SEMA4F: variants seen among roughly 807,000 people sequenced by gnomAD.
SEMA4F encodes the protein semaphorin-4F.
SEMA4F carries 51 observed loss-of-function variants against 78.4 expected under a neutral mutation model. That is an observed-to-expected ratio of 0.65 (90% confidence interval 0.52 to 0.82). The LOEUF is 0.82. Among genes scored for constraint, SEMA4F ranks in the 40% least tolerant of loss-of-function variants. SEMA4F has a pLI of 0.00. For missense variants in SEMA4F, 938 were observed against 1,014.4 expected (o/e 0.92, Z 1.02); for synonymous variants, 418 against 408.7 (o/e 1.02, Z -0.27).
In SEMA4F at chr2:74,680,052, C is replaced by A. The variant is rs572401608; in HGVS notation, c.2156C>A (p.Pro719His). The A allele has an allele frequency of 8.7e-6, 14 of 1,614,140 alleles. No homozygotes were observed. In the East Asian group the frequency reaches 2.2e-4, roughly 26 times the overall value. Reference sequence around the variant, plus strand: ...AGCTACAGCCAAGACCCTCCCTCCCCCTCTCCTGAAGATGAGCGGTTGCCG... The same window carrying A: ...AGCTACAGCCAAGACCCTCCCTCCCACTCTCCTGAAGATGAGCGGTTGCCG... ...TTSYSQDPPS[P>H]SPEDERLPLA... The change falls in exon 14 of 14, where the codon CCC becomes CAC. Residue 719 changes from proline to histidine, a missense_variant. Coordinates refer to ENST00000357877, the MANE Select transcript of SEMA4F (RefSeq NM_004263.5).
chr2:74,695,388 G>C, the SEMA4F span, among the ~76,000 whole-genome samples: 1 of 152,182 alleles, frequency 6.6e-6, no homozygotes, highest in Non-Finnish European at 1.5e-5. Flanking sequence ...TCTGCACAGA[G>C]CACTCCCCTG....
the SEMA4F span, among the ~76,000 whole-genome samples, chr2:74,700,518 A>T: frequency 6.6e-6 from 1 of 152,138 alleles, no homozygotes; most frequent in South Asian, 2.1e-4. Flanking sequence ...TAGATTGCTG[A>T]TTAATACTCT....
intron 5 of SEMA4F, among the ~76,000 whole-genome samples, chr2:74,669,419 A>C (rs1298823144): frequency 6.6e-6 from 1 of 151,944 alleles, no homozygotes; most frequent in Non-Finnish European, 1.5e-5. Context: ...CCCTGTCTCT[A>C]ATAAAAATAC....
intron 12 of SEMA4F, among the ~76,000 whole-genome samples, chr2:74,678,940 A>G (rs1181348371): frequency 6.6e-6 from 1 of 152,146 alleles, no homozygotes; most frequent in Non-Finnish European, 1.5e-5. Context: ...TCCTAGAGAA[A>G]TCTTGTGGTT....
chr2:74,684,870 G>A (rs1030970681), downstream of SEMA4F, among the ~76,000 whole-genome samples: 1 of 152,224 alleles, frequency 6.6e-6, no homozygotes, highest in African/African-American at 2.4e-5. Flanking sequence ...AGGCTGAGGC[G>A]AGAGGATGGA....
intron 12 of SEMA4F, among the ~76,000 whole-genome samples, chr2:74,676,387 T>C (rs779437881): frequency 1.3e-5 from 2 of 152,226 alleles, no homozygotes; most frequent in Non-Finnish European, 2.9e-5. Flanking sequence ...CTGGTTACTT[T>C]CAATACCATC....
chr2:74,654,530 C>A lies in SEMA4F; in HGVS notation c.145+9C>A. On this transcript the variant is annotated intron_variant, in intron 1 of 13. Coordinates refer to ENST00000357877, the MANE Select transcript of SEMA4F (RefSeq NM_004263.5). The stretch of plus-strand genomic sequence containing the variant: ...CTCGCTTCCAATCTCTGGTAAGGCG[C>A]GGACGCCCACGCCCTCAGCCCTTCG... 1 of 1,545,198 alleles carries A rather than the reference C, an allele frequency of 6.5e-7. No homozygotes were observed. Among genetic ancestry groups the A allele is most frequent in the Non-Finnish European group, 8.7e-7 (1 of 1,147,526 alleles).
the SEMA4F span, among the ~76,000 whole-genome samples, chr2:74,690,435 A>G: frequency 1.3e-5 from 2 of 152,182 alleles, no homozygotes; most frequent in African/African-American, 2.4e-5. Context: ...GAGGTGGGGA[A>G]GGAGAATAAG....
Position 74,681,709 on chromosome 2 carries a change from A to G in SEMA4F, c.*1500A>G, listed in dbSNP as rs1388961415. 1 of 153,024 alleles carries G rather than the reference A, an allele frequency of 6.5e-6. No individual in the cohort carries two copies. The highest frequency in any genetic ancestry group is 6.5e-5 in the Admixed American group (1 of 15,272). 9.5% of individuals were successfully genotyped at this position (153,024 alleles called of 1,614,324 possible). On this transcript the variant is annotated 3_prime_UTR_variant, in exon 14 of 14. Transcript: ENST00000357877. ...GACCTCTTCCTGCTTGACCACTCGC[A>G]CATGGCTCTAGGCTTCTCCTGCTGA...
rs371342469 is a variant in SEMA4F at position 74,669,917 on chromosome 2, T to C, written c.551-3540T>C. Among the ~76,000 whole-genome samples the C allele has an allele frequency of 3.9e-5, 6 of 152,314 alleles. No homozygotes were observed. The East Asian group carries it at 1.2e-3, about 29-fold the overall frequency. ...TTTTTTGCACTATAAAAGTAAAAGA[T>C]GCTAACTACAAAAAACAAGGATTAT... On this transcript the variant is annotated intron_variant, in intron 5 of 13. Coordinates refer to ENST00000357877, the MANE Select transcript of SEMA4F (RefSeq NM_004263.5).
Position 74,674,541 on chromosome 2 carries a change from C to A in SEMA4F, c.866C>A (p.Thr289Lys). Reference protein sequence around the residue: ...GRKTLQQRWTTFLKADLLCPG... With the variant: ...GRKTLQQRWTKFLKADLLCPG... Reference sequence around the variant, plus strand: ...AAGACCCTCCAGCAGAGATGGACGACGTTTTTGAAAGCTGACCTGCTCTGT... The same window carrying A: ...AAGACCCTCCAGCAGAGATGGACGAAGTTTTTGAAAGCTGACCTGCTCTGT... The change falls in exon 8 of 14, where the codon ACG becomes AAG. Residue 289 changes from threonine (T) to lysine (K), a missense_variant. By Grantham distance (78) the Thr-to-Lys change is moderately conservative. Coordinates refer to ENST00000357877, the MANE Select transcript of SEMA4F (RefSeq NM_004263.5). 1 of 1,614,016 alleles carries A rather than the reference C, an allele frequency of 6.2e-7. No individual in the cohort carries two copies. The highest frequency in any genetic ancestry group is 8.5e-7 in the Non-Finnish European group (1 of 1,179,986).
the SEMA4F span, among the ~76,000 whole-genome samples, chr2:74,699,305 C>T: frequency 6.6e-6 from 1 of 152,204 alleles, no homozygotes; most frequent in Admixed American, 6.5e-5. Flanking sequence ...CAGAATATCT[C>T]CAGCACCTTT....
At chr2:74,679,365 G>A (rs192603208) in intron 13 of SEMA4F, 31 bp downstream of exon 13, 20 of 1,557,404 alleles carry the variant, frequency 1.3e-5, no homozygotes, top group African/African-American at 4.1e-5. Flanking sequence ...TTAGGGAAAT[G>A]TGGGTGGAGT....
chr2:74,708,166 C>T, the SEMA4F span, among the ~76,000 whole-genome samples: 1 of 151,964 alleles, frequency 6.6e-6, no homozygotes, highest in Admixed American at 6.6e-5. Flanking sequence ...ACCTGAGGAT[C>T]CAACTGTTTC....
At chr2:74,695,366 C>G in the SEMA4F span, among the ~76,000 whole-genome samples, 1 of 152,226 alleles carries the variant, frequency 6.6e-6, no homozygotes, top group South Asian at 2.1e-4. Context: ...CAGAGCACAA[C>G]AGTGCTTCTT....
chr2:74,683,865 G>A (rs1020829011), downstream of SEMA4F: 8 of 152,156 alleles, frequency 5.3e-5, no homozygotes, highest in Admixed American at 5.2e-4. Context: ...TGAGTTTGTG[G>A]AGAAAAATTC....
chr2:74,667,315 G>C (rs1386697497), intron 5 of SEMA4F, among the ~76,000 whole-genome samples: 1 of 152,168 alleles, frequency 6.6e-6, no homozygotes, highest in Non-Finnish European at 1.5e-5. Context: ...AATCCAAAAA[G>C]TGGAATTGCT....
Position 74,682,955 on chromosome 2 carries a change from TG to T in SEMA4F, c.*2748del, listed in dbSNP as rs1383533233. ...ACCCTGCCTCAGTCATTCCTTCCAA[TG>T]GAAACCACAATAAGCACTCTTGCCC... On this transcript the variant is annotated 3_prime_UTR_variant, in exon 14 of 14. Transcript: ENST00000357877. The T allele has an allele frequency of 2.0e-5, 3 of 152,370 alleles. No individual in the cohort carries two copies. The highest frequency in any genetic ancestry group is 4.4e-5 in the Non-Finnish European group (3 of 68,202). 9.4% of individuals were successfully genotyped at this position (152,370 alleles called of 1,614,324 possible). A position where few individuals can be genotyped will look rare whatever the true frequency, so the allele number is the denominator to read the frequency against.
chr2:74,662,741 A>G lies in SEMA4F; in HGVS notation c.466A>G (p.Arg156Gly). Residue 156 changes from arginine (R) to glycine (G), a missense_variant, in exon 5 of 14, where the codon AGG becomes GGG. By Grantham distance (125) the Arg-to-Gly change is moderately radical. Coordinates refer to ENST00000357877, the MANE Select transcript of SEMA4F (RefSeq NM_004263.5). The part of the protein sequence containing the change: ...DPKCGVIDVS[R>G]FQQVERLESG... ...CCCTTCTGGTCTATAGGATGTGTCC[A>G]GGTTCCAGCAGGTTGAAAGACTTGA... 1.2e-6 allele frequency: 2 copies of G among 1,614,086 alleles called. No individual in the cohort carries two copies. Among genetic ancestry groups the G allele is most frequent in the Middle Eastern group, 1.6e-4 (1 of 6,062 alleles).
Sources: allele counts gnomAD v4.1 joint callset (sites outside exome capture counted in the v4.1 genomes callset), GRCh38; gene constraint gnomAD v4.1.1; transcripts MANE v1.5; gene names NCBI Gene and HGNC (gene_info 2026-07-23, HGNC 2026-07-21).